The following RGS7 variants were observed in gnomAD, a reference collection of about 807,000 sequenced individuals.
RGS7 encodes regulator of G protein signaling 7.
A neutral mutation model predicts 81.1 loss-of-function variants in RGS7; 27 were observed. The observed-to-expected ratio is 0.33, with a 90% CI of 0.25 to 0.46. The LOEUF (loss-of-function observed/expected upper bound fraction) is 0.46. Ranked by LOEUF, RGS7 falls within the 20% of genes least tolerant of loss-of-function variation. RGS7 has a pLI of 1.00. For missense variants in RGS7, 396 were observed against 607.4 expected (o/e 0.65, Z 3.66); for synonymous variants, 208 against 207.7 (o/e 1.00, Z -0.01).
chr1:240,814,593 C>T (rs755722553), intron 12 of RGS7, 123 bp downstream of exon 12: 3 of 681,632 alleles, frequency 4.4e-6, no homozygotes, highest in Non-Finnish European at 7.9e-6. Context: ...AACAAAATCA[C>T]ATTACTTACA....
At chr1:241,200,226 TTAA>T (rs1558182368) in intron 2 of RGS7, among the ~76,000 whole-genome samples, 1 of 152,200 alleles carries the variant, frequency 6.6e-6, no homozygotes. Context: ...GAAGCTTACA[TTAA>T]TGAGATATTT....
chr1:241,094,435 C>G (rs894705636), intron 3 of RGS7, among the ~76,000 whole-genome samples: 2 of 152,170 alleles, frequency 1.3e-5, no homozygotes, highest in African/African-American at 4.8e-5. Flanking sequence ...CCTGAGCTAT[C>G]TCTGCAGCTG....
Position 240,998,360 on chromosome 1 carries a change from T to G in RGS7, c.176-15231A>C, listed in dbSNP as rs1489198741. 6.0e-6 allele frequency: 3 copies of G among 499,858 alleles called. No homozygotes were observed. In the East Asian group the frequency reaches 1.1e-4, roughly 18 times the overall value. 31.0% of individuals were successfully genotyped at this position (499,858 alleles called of 1,614,324 possible). On this transcript the variant is annotated intron_variant, in intron 3 of 18. Coordinates refer to ENST00000440928, the MANE Select transcript of RGS7 (RefSeq NM_001364886.1). ...CAACTGAAGGTTTATATCTTTGCTA[T>G]GCTTGTGATGTTTTTAAGCCATTAT...
chr1:241,126,239 T>C (rs2066649647), intron 2 of RGS7, among the ~76,000 whole-genome samples: 1 of 152,068 alleles, frequency 6.6e-6, no homozygotes, highest in African/African-American at 2.4e-5. Flanking sequence ...AACCTCCGCC[T>C]CCCGGGTTCA....
intron 2 of RGS7, among the ~76,000 whole-genome samples, chr1:241,268,008 T>C (rs1037053211): frequency 6.6e-6 from 1 of 152,206 alleles, no homozygotes; most frequent in South Asian, 2.1e-4. Flanking sequence ...TTTCTTGTCA[T>C]TCGTGTTTAA....
chr1:241,001,773 G>A (rs1331944934), intron 3 of RGS7, among the ~76,000 whole-genome samples: 1 of 152,156 alleles, frequency 6.6e-6, no homozygotes, highest in Non-Finnish European at 1.5e-5. Context: ...TGGTTGTCAG[G>A]GGTGGAAGAG....
At position 240,817,241 on chromosome 1, in the gene RGS7, G is replaced by C. The variant is rs140285594; in HGVS notation, c.685-826C>G. On this transcript the variant is annotated intron_variant, in intron 10 of 18. Coordinates refer to ENST00000440928, the MANE Select transcript of RGS7 (RefSeq NM_001364886.1). The stretch of plus-strand genomic sequence containing the variant: ...AAATTATTTCTTCTTGGATATCAAA[G>C]TATTATTCCTTTAAAATAAAGAATT... Among the ~76,000 whole-genome samples, 782 of 152,232 alleles carry C rather than the reference G, an allele frequency of 5.1e-3. 6 individuals are homozygous for C. The highest frequency in any genetic ancestry group is 6.4e-3 in the Non-Finnish European group (432 of 68,024).
intron 18 of RGS7, among the ~76,000 whole-genome samples, chr1:240,795,092 G>A (rs1405604133): frequency 2.0e-5 from 3 of 152,118 alleles, no homozygotes; most frequent in African/African-American, 7.2e-5. Context: ...GCTGAGGCAG[G>A]AGAATCGCTT....
At chr1:241,352,827 C>A (rs6672132) in intron 2 of RGS7, among the ~76,000 whole-genome samples, 147,069 of 152,368 alleles carry the variant, frequency 0.97, 71,197 homozygotes, top group East Asian at 1. Context: ...ACATCAAACA[C>A]ACACAAGAAA....
intron 2 of RGS7, among the ~76,000 whole-genome samples, chr1:241,181,035 G>T (rs12049016): frequency 0.05 from 7,585 of 152,272 alleles, 301 homozygotes; most frequent in East Asian, 0.22. Flanking sequence ...AATGATTAGT[G>T]GTTGTCAGGG....
At chr1:241,137,153 C>T (rs1046994336) in intron 2 of RGS7, among the ~76,000 whole-genome samples, 2 of 152,130 alleles carry the variant, frequency 1.3e-5, no homozygotes, top group African/African-American at 4.8e-5. Context: ...CTCCCCTCAA[C>T]TCTGGGATCT....
intron 2 of RGS7, among the ~76,000 whole-genome samples, chr1:241,201,026 T>G (rs1041632073): frequency 5.3e-5 from 8 of 152,202 alleles, no homozygotes; most frequent in African/African-American, 1.9e-4. Flanking sequence ...TCATCTTTCC[T>G]CCCCATACCT....
chr1:241,069,504 A>G (rs1164561457), intron 3 of RGS7, among the ~76,000 whole-genome samples: 2 of 152,362 alleles, frequency 1.3e-5, no homozygotes, highest in East Asian at 3.9e-4. Flanking sequence ...AAAGAAAAAT[A>G]AAAGCATTAT....
intron 2 of RGS7, among the ~76,000 whole-genome samples, chr1:241,345,616 T>C (rs1422892801): frequency 6.6e-6 from 1 of 152,222 alleles, no homozygotes; most frequent in Non-Finnish European, 1.5e-5. Flanking sequence ...ACTTAAAAGA[T>C]ACATTGAATT....
At chr1:241,008,663 A>C (rs2058798194) in intron 3 of RGS7, among the ~76,000 whole-genome samples, 1 of 152,200 alleles carries the variant, frequency 6.6e-6, no homozygotes, top group Admixed American at 6.5e-5. Flanking sequence ...CTGTAAACCC[A>C]GCACTTTGGG....
chr1:241,276,069 C>T (rs2078179115), intron 2 of RGS7, among the ~76,000 whole-genome samples: 1 of 152,162 alleles, frequency 6.6e-6, no homozygotes, highest in African/African-American at 2.4e-5. Context: ...CTAGGGCATC[C>T]AATTATATTT....
At chr1:241,201,068 C>A (rs1053916461) in intron 2 of RGS7, among the ~76,000 whole-genome samples, 11 of 152,202 alleles carry the variant, frequency 7.2e-5, no homozygotes, top group African/African-American at 2.2e-4. Context: ...ACTTTGATTA[C>A]CACTTCTGGT....
intron 4 of RGS7, among the ~76,000 whole-genome samples, chr1:240,974,827 A>G (rs960204711): frequency 6.6e-6 from 1 of 152,158 alleles, no homozygotes; most frequent in Non-Finnish European, 1.5e-5. Flanking sequence ...TAAAAATACA[A>G]TTAAGATTCT....
chr1:241,176,241 C>T (rs2071131418), intron 2 of RGS7, among the ~76,000 whole-genome samples: 1 of 152,134 alleles, frequency 6.6e-6, no homozygotes, highest in African/African-American at 2.4e-5. Flanking sequence ...AGTCCTGGAA[C>T]ATTATCCTAA....
Sources: allele counts gnomAD v4.1 joint callset (sites outside exome capture counted in the v4.1 genomes callset), GRCh38; gene constraint gnomAD v4.1.1; transcripts MANE v1.5; gene names NCBI Gene and HGNC (gene_info 2026-07-23, HGNC 2026-07-21).